The following ROBO2 variants were observed in gnomAD, a reference collection of about 807,000 sequenced individuals.
ROBO2 encodes the protein roundabout homolog 2.
A neutral mutation model predicts 160.8 loss-of-function variants in ROBO2; 53 were observed. The ratio of observed to expected loss-of-function variants is 0.33; its 90% CI spans 0.26 to 0.41. ROBO2 has a LOEUF of 0.41. ROBO2 is among the 10% of genes least tolerant of loss of function. The pLI is 1.00. For missense variants in ROBO2, 1,577 were observed against 1,722.4 expected, an observed-to-expected ratio of 0.92 and a Z score of 1.49; for synonymous variants, 664 against 611.7, an observed-to-expected ratio of 1.09 and a Z score of -1.26.
chr3:77,512,863 G>C (rs1432685851), intron 5 of ROBO2, among the ~76,000 whole-genome samples: 1 of 151,820 alleles, frequency 6.6e-6, no homozygotes, highest in Non-Finnish European at 1.5e-5. Context: ...AATGTTTCCT[G>C]GTTCAATTCA....
intron 2 of ROBO2, among the ~76,000 whole-genome samples, chr3:76,479,433 A>G (rs2079097791): frequency 6.6e-6 from 1 of 152,140 alleles, no homozygotes. Context: ...CTTGTTTTAT[A>G]AGCTTCAGTG....
intron 2 of ROBO2, among the ~76,000 whole-genome samples, chr3:76,703,401 A>C (rs545928998): frequency 1.3e-5 from 2 of 152,266 alleles, no homozygotes; most frequent in Admixed American, 1.3e-4. Flanking sequence ...ATTCTGGGAC[A>C]CATGTGCAGA....
chr3:76,871,486 G>A (rs897361049), intron 2 of ROBO2, among the ~76,000 whole-genome samples: 46 of 149,120 alleles, frequency 3.1e-4, no homozygotes, highest in East Asian at 2.0e-4. Flanking sequence ...CCCGGGAGGC[G>A]GAGCTTGCAG....
At chr3:76,573,768 A>C (rs1159849404) in intron 2 of ROBO2, among the ~76,000 whole-genome samples, 1 of 152,058 alleles carries the variant, frequency 6.6e-6, no homozygotes, top group African/African-American at 2.4e-5. Context: ...CCTGCAGAAG[A>C]AGCATTTGGT....
chr3:76,159,523 T>C (rs1474321910), intron 2 of ROBO2, among the ~76,000 whole-genome samples: 1 of 152,158 alleles, frequency 6.6e-6, no homozygotes, highest in African/African-American at 2.4e-5. Context: ...GTTAAGAGTT[T>C]TATTAAAAGA....
intron 2 of ROBO2, among the ~76,000 whole-genome samples, chr3:76,214,114 T>C (rs1703334618): frequency 1.3e-5 from 2 of 152,106 alleles, no homozygotes; most frequent in Admixed American, 1.3e-4. Context: ...AATCCACCCC[T>C]TGTCAATTTG....
At chr3:77,277,201 T>TTTC (rs1376665572) in intron 2 of ROBO2, among the ~76,000 whole-genome samples, 7 of 134,766 alleles carry the variant, frequency 5.2e-5, no homozygotes, top group Non-Finnish European at 8.2e-5. Flanking sequence ...TCTTTCTTTC[T>TTTC]TTCTTTCTTT....
rs140201251 is a variant in ROBO2 at position 76,187,351 on chromosome 3, C to A, written c.109+249749C>A. ...GTGCAGTGGTATGAACATGGCTTATCACAGTCTTGACCTCCCAGGCTCAAG... is the reference window on the plus strand; with the variant it reads ...GTGCAGTGGTATGAACATGGCTTATAACAGTCTTGACCTCCCAGGCTCAAG... On this transcript the variant is annotated intron_variant, in intron 2 of 26. Transcript: ENST00000487694. Among the ~76,000 whole-genome samples the A allele has an allele frequency of 1.5e-3, 233 of 152,142 alleles. 2 individuals are homozygous for A. The highest frequency in any genetic ancestry group is 5.5e-3 in the African/African-American group (230 of 41,528).
chr3:76,131,020 CA>C (rs1473322814), intron 2 of ROBO2, among the ~76,000 whole-genome samples: 6 of 152,110 alleles, frequency 3.9e-5, no homozygotes, highest in Non-Finnish European at 8.8e-5. Context: ...GAAGAATTCA[CA>C]ATCTTTAAAA....
At chr3:76,074,899 A>C (rs1307638622) in intron 2 of ROBO2, among the ~76,000 whole-genome samples, 1 of 152,172 alleles carries the variant, frequency 6.6e-6, no homozygotes, top group African/African-American at 2.4e-5. Context: ...CCTTTAAGCA[A>C]CAGTTAATGA....
chr3:77,044,598 G>A (rs1366323644), intron 1 of ROBO2, among the ~76,000 whole-genome samples: 8 of 151,988 alleles, frequency 5.3e-5, no homozygotes, highest in African/African-American at 1.9e-4. Context: ...CTTGAAGAGT[G>A]AAGAAGATAG....
intron 2 of ROBO2, among the ~76,000 whole-genome samples, chr3:77,276,289 G>A (rs1255423314): frequency 1.3e-5 from 2 of 151,268 alleles, no homozygotes; most frequent in African/African-American, 4.8e-5. Flanking sequence ...TTCCATTACT[G>A]CCCCTTAAAG....
intron 2 of ROBO2, among the ~76,000 whole-genome samples, chr3:76,800,921 T>A (rs1286297570): frequency 6.6e-6 from 1 of 152,152 alleles, no homozygotes; most frequent in African/African-American, 2.4e-5. Context: ...AAAAAGGAAA[T>A]CAGTATATTG....
exon 26 of ROBO2, chr3:77,648,010 C>T (rs2095424347): frequency 6.6e-6 from 1 of 152,132 alleles, no homozygotes; most frequent in Non-Finnish European, 1.5e-5. Context: ...TAATTTATTT[C>T]TTCGCTGAAG....
intron 2 of ROBO2, among the ~76,000 whole-genome samples, chr3:77,368,423 C>T (rs1027398351): frequency 6.6e-6 from 1 of 152,068 alleles, no homozygotes; most frequent in African/African-American, 2.4e-5. Context: ...GGAATCATGT[C>T]TGTGACATGA....
At chr3:77,088,793 T>C (rs2069706972) in intron 1 of ROBO2, among the ~76,000 whole-genome samples, 1 of 152,192 alleles carries the variant, frequency 6.6e-6, no homozygotes, top group South Asian at 2.1e-4. Context: ...TGACAGCAGA[T>C]ACAAGACCTA....
chr3:76,386,346 C>T (rs1469142283), intron 2 of ROBO2, among the ~76,000 whole-genome samples: 1 of 123,338 alleles, frequency 8.1e-6, no homozygotes, highest in Admixed American at 7.9e-5. Context: ...TCCCTCCCTC[C>T]CTCCCTCCCT....
At chr3:77,210,077 G>T (rs2083926190) in intron 2 of ROBO2, among the ~76,000 whole-genome samples, 1 of 152,098 alleles carries the variant, frequency 6.6e-6, no homozygotes. Flanking sequence ...TAAAGCTCAA[G>T]ATTTTTTTCT....
chr3:76,040,345 G>T (rs1576598096), intron 2 of ROBO2, among the ~76,000 whole-genome samples: 2 of 151,580 alleles, frequency 1.3e-5, no homozygotes, highest in East Asian at 1.9e-4. Context: ...AAAAATAGTG[G>T]CCCTAAAATG....
Sources: allele counts gnomAD v4.1 joint callset (sites outside exome capture counted in the v4.1 genomes callset), GRCh38; gene constraint gnomAD v4.1.1; transcripts MANE v1.5; gene names NCBI Gene and HGNC (gene_info 2026-07-23, HGNC 2026-07-21).